The following RNF220 variants were observed in gnomAD, a reference collection of about 807,000 sequenced individuals.
The protein encoded by RNF220 is E3 ubiquitin-protein ligase RNF220.
In RNF220, 7 loss-of-function variants were observed where a neutral mutation model predicts 67.1. That is an observed-to-expected ratio of 0.10 (90% CI 0.06 to 0.20). The LOEUF (loss-of-function observed/expected upper bound fraction) is 0.20, where lower values mean the gene tolerates loss of function less well. RNF220 is among the 10% of genes least tolerant of loss of function. The pLI is 1.00. For missense variants in RNF220, 565 were observed against 740.3 expected, an observed-to-expected ratio of 0.76 and a Z score of 2.75; for synonymous variants, 270 against 283.2, an observed-to-expected ratio of 0.95 and a Z score of 0.47.
chr1:44,544,906 A>G (rs1214523486), intron 2 of RNF220, among the ~76,000 whole-genome samples: 1 of 152,238 alleles, frequency 6.6e-6, no homozygotes, highest in Non-Finnish European at 1.5e-5. Flanking sequence ...CCCACTGGGT[A>G]CAGAGAAAAA....
chr1:44,418,012 G>A (rs919612646), intron 2 of RNF220, among the ~76,000 whole-genome samples: 6 of 151,258 alleles, frequency 4.0e-5, no homozygotes, highest in African/African-American at 1.2e-4. Flanking sequence ...GCCCTGCCCC[G>A]CCTCGCCCTC....
chr1:44,520,540 C>T (rs1659853086), intron 2 of RNF220, among the ~76,000 whole-genome samples: 1 of 152,224 alleles, frequency 6.6e-6, no homozygotes. Flanking sequence ...ATCTGCCTCT[C>T]CTGCCTTGGG....
chr1:44,626,083 G>C (rs3850852), intron 4 of RNF220, among the ~76,000 whole-genome samples: 34,793 of 152,008 alleles, frequency 0.23, 5,215 homozygotes, highest in Middle Eastern at 0.33. Flanking sequence ...GTCCCTCAAG[G>C]GGTCTCTACC....
chr1:44,625,786 G>C (rs1380016348), intron 4 of RNF220, among the ~76,000 whole-genome samples: 4 of 151,964 alleles, frequency 2.6e-5, no homozygotes, highest in Non-Finnish European at 5.9e-5. Context: ...TTTTGCTGGG[G>C]TTTTTGCTGG....
At chr1:44,627,213 C>T (rs911461341) in intron 5 of RNF220, among the ~76,000 whole-genome samples, 1 of 151,130 alleles carries the variant, frequency 6.6e-6, no homozygotes. Flanking sequence ...GGCATGGTGG[C>T]GGGCGCCTGT....
intron 2 of RNF220, among the ~76,000 whole-genome samples, chr1:44,560,839 A>G (rs1663513973): frequency 6.6e-6 from 1 of 151,818 alleles, no homozygotes; most frequent in South Asian, 2.1e-4. Flanking sequence ...GGGATTACAG[A>G]TGTGAGCCAC....
At chr1:44,406,210 G>T (rs909277508) in intron 1 of RNF220, among the ~76,000 whole-genome samples, 1 of 152,020 alleles carries the variant, frequency 6.6e-6, no homozygotes, top group Admixed American at 6.5e-5. Flanking sequence ...TTCCTAGCGG[G>T]GGCGGGTGTG....
chr1:44,621,915 C>T lies in RNF220; in HGVS notation c.759-827C>T, dbSNP rs1017703733. Among the ~76,000 whole-genome samples, 7 of 152,150 alleles carry T rather than the reference C, an allele frequency of 4.6e-5. No individual in the cohort carries two copies. Among genetic ancestry groups the T allele is most frequent in the Admixed American group, 3.3e-4 (5 of 15,278 alleles). On this transcript the variant is annotated intron_variant, in intron 3 of 14. Transcript: ENST00000361799. The surrounding 1 kb of genome is among the most constrained non-coding windows in gnomAD (Gnocchi z 4.8). Reference sequence around the variant, plus strand: ...GCATGTGTGTGTGTGTGTGAGTGCACGCGCATGAATGTGCGAGCACAGATG... The same window carrying T: ...GCATGTGTGTGTGTGTGTGAGTGCATGCGCATGAATGTGCGAGCACAGATG...
intron 2 of RNF220, among the ~76,000 whole-genome samples, chr1:44,607,905 T>C (rs1667394054): frequency 6.7e-6 from 1 of 150,062 alleles, no homozygotes; most frequent in South Asian, 2.1e-4. Flanking sequence ...CCAGATGATA[T>C]ACTCCCCTAG....
intron 8 of RNF220, among the ~76,000 whole-genome samples, chr1:44,642,534 G>A (rs190544707): frequency 6.6e-6 from 1 of 152,294 alleles, no homozygotes; most frequent in African/African-American, 2.4e-5. Flanking sequence ...CAGGAGGTGC[G>A]GAGGCATGGG....
At chr1:44,522,031 A>G (rs1271839028) in intron 2 of RNF220, among the ~76,000 whole-genome samples, 1 of 152,216 alleles carries the variant, frequency 6.6e-6, no homozygotes, top group Non-Finnish European at 1.5e-5. Context: ...TGAAACAACA[A>G]AGCAAGATGG....
intron 2 of RNF220, among the ~76,000 whole-genome samples, chr1:44,578,875 C>G (rs1301858871): frequency 6.6e-6 from 1 of 152,170 alleles, no homozygotes; most frequent in African/African-American, 2.4e-5. Flanking sequence ...GAAAATCATG[C>G]AATCCTCAGG....
At chr1:44,416,298 C>T (rs1199013620) in intron 2 of RNF220, among the ~76,000 whole-genome samples, 3 of 152,218 alleles carry the variant, frequency 2.0e-5, no homozygotes, top group Non-Finnish European at 2.9e-5. Context: ...CTAAAATTTA[C>T]GGACCAATTA....
chr1:44,634,779 T>G (rs1277593803), intron 6 of RNF220, among the ~76,000 whole-genome samples: 1 of 152,252 alleles, frequency 6.6e-6, no homozygotes, highest in East Asian at 1.9e-4. Context: ...GTGTGCACTT[T>G]GGAACTGAGC....
intron 2 of RNF220, among the ~76,000 whole-genome samples, chr1:44,435,796 G>A (rs577351261): frequency 1.3e-4 from 20 of 152,148 alleles, no homozygotes; most frequent in Non-Finnish European, 2.6e-4. Context: ...CGGGCATGGT[G>A]GCATATGCCT....
intron 2 of RNF220, among the ~76,000 whole-genome samples, chr1:44,524,465 C>T (rs1660202991): frequency 6.6e-6 from 1 of 152,174 alleles, no homozygotes; most frequent in South Asian, 2.1e-4. Context: ...CTCCTTCCAC[C>T]CAAACCCGGT....
Position 44,489,078 on chromosome 1 carries a change from G to A in RNF220, c.625+76356G>A, listed in dbSNP as rs58755011. ...AAAGTGCTCATTACCACTCTAGGTTGATATCATCCTTCAATAATGGATCTC... is the reference window on the plus strand; with the variant it reads ...AAAGTGCTCATTACCACTCTAGGTTAATATCATCCTTCAATAATGGATCTC... On this transcript the variant is annotated intron_variant, in intron 2 of 14. Transcript: ENST00000361799. 9.3e-3 allele frequency among the ~76,000 whole-genome samples: 1,412 copies of A among 152,216 alleles called. 12 individuals are homozygous for A. The highest frequency in any genetic ancestry group is 0.033 in the African/African-American group (1,351 of 41,514).
At chr1:44,578,186 T>A (rs1383169799) in intron 2 of RNF220, among the ~76,000 whole-genome samples, 1 of 147,860 alleles carries the variant, frequency 6.8e-6, no homozygotes, top group East Asian at 2.0e-4. Context: ...TCGTGCTCTG[T>A]CTCCCAGCCT....
chr1:44,456,043 G>C (rs1434163556), intron 2 of RNF220, among the ~76,000 whole-genome samples: 1 of 152,170 alleles, frequency 6.6e-6, no homozygotes, highest in Non-Finnish European at 1.5e-5. Context: ...AATATTGCTA[G>C]AGTGTCATAT....
Sources: allele counts gnomAD v4.1 joint callset (sites outside exome capture counted in the v4.1 genomes callset), GRCh38; gene constraint gnomAD v4.1.1; non-coding constraint Gnocchi (gnomAD v3.1); transcripts MANE v1.5; gene names NCBI Gene and HGNC (gene_info 2026-07-23, HGNC 2026-07-21).